NEGR1: variants seen among roughly 807,000 people sequenced by gnomAD.
NEGR1 encodes IgLON family member 4.
In NEGR1, 10 loss-of-function variants were observed where a neutral mutation model predicts 40.9. The observed-to-expected ratio is 0.24, with a 90% CI of 0.15 to 0.42. The LOEUF is 0.42. NEGR1 is among the 10% of genes least tolerant of loss of function. The pLI, the probability that NEGR1 is intolerant of heterozygous loss-of-function variation, is 1.00. For synonymous variants in NEGR1, 185 were observed against 166.8 expected, an observed-to-expected ratio of 1.11 and a Z score of -0.84; for missense variants, 352 against 438.9, an observed-to-expected ratio of 0.80 and a Z score of 1.77.
chr1:72,113,456 G>GA (rs571021968), intron 1 of NEGR1, among the ~76,000 whole-genome samples: 3,071 of 150,508 alleles, frequency 0.02, 120 homozygotes, highest in African/African-American at 0.072. Flanking sequence ...TATGTGTTTA[G>GA]AAAAAAAATA....
intron 1 of NEGR1, among the ~76,000 whole-genome samples, chr1:72,036,040 G>T (rs1320075330): frequency 6.6e-6 from 1 of 152,042 alleles, no homozygotes; most frequent in African/African-American, 2.4e-5. Flanking sequence ...ATGTGTACAG[G>T]CACGTGATTC....
At chr1:72,026,633 T>C (rs1007668315) in intron 1 of NEGR1, among the ~76,000 whole-genome samples, 3 of 152,042 alleles carry the variant, frequency 2.0e-5, no homozygotes, top group African/African-American at 7.2e-5. Context: ...TGACCCTCTC[T>C]CTCTCCTGAA....
intron 1 of NEGR1, among the ~76,000 whole-genome samples, chr1:71,951,951 C>G (rs971628735): frequency 6.6e-5 from 10 of 151,926 alleles, no homozygotes; most frequent in African/African-American, 2.4e-4. Flanking sequence ...TATGCCCATA[C>G]AAGACGGCTA....
intron 4 of NEGR1, among the ~76,000 whole-genome samples, chr1:71,672,246 T>A (rs1455678591): frequency 6.6e-6 from 1 of 152,252 alleles, no homozygotes; most frequent in East Asian, 1.9e-4. Flanking sequence ...TGTTATCGCT[T>A]TGTAAAAAAA....
chr1:72,089,652 G>T (rs1648384688), intron 1 of NEGR1, among the ~76,000 whole-genome samples: 2 of 152,064 alleles, frequency 1.3e-5, no homozygotes, highest in South Asian at 4.2e-4. Flanking sequence ...CCTCATCAAT[G>T]ATAACATCAA....
intron 2 of NEGR1, among the ~76,000 whole-genome samples, chr1:71,802,628 C>T (rs1657602426): frequency 6.6e-6 from 1 of 152,160 alleles, no homozygotes; most frequent in Non-Finnish European, 1.5e-5. Flanking sequence ...GATGCTGCTG[C>T]CTTATTGGGC....
intron 4 of NEGR1, among the ~76,000 whole-genome samples, chr1:71,645,164 T>C (rs530184875): frequency 6.6e-6 from 1 of 151,984 alleles, no homozygotes; most frequent in Admixed American, 6.6e-5. Context: ...TTTTCAGTTC[T>C]AGGAGATATC....
intron 1 of NEGR1, among the ~76,000 whole-genome samples, chr1:72,268,818 T>C (rs1655742104): frequency 6.6e-6 from 1 of 151,612 alleles, no homozygotes; most frequent in African/African-American, 2.4e-5. Flanking sequence ...CAGACTAATA[T>C]AAAATTGATA....
At chr1:71,818,134 T>C (rs960060486) in intron 2 of NEGR1, among the ~76,000 whole-genome samples, 3 of 151,964 alleles carry the variant, frequency 2.0e-5, no homozygotes, top group African/African-American at 7.2e-5. Flanking sequence ...GGTGTAGCGA[T>C]TCCTCAAAGA....
chr1:71,894,624 C>T (rs1660913787), intron 2 of NEGR1, among the ~76,000 whole-genome samples: 1 of 152,188 alleles, frequency 6.6e-6, no homozygotes, highest in African/African-American at 2.4e-5. Context: ...CTACCAATTA[C>T]CAAAGTTAGC....
At chr1:71,986,991 G>A (rs1344925889) in intron 1 of NEGR1, among the ~76,000 whole-genome samples, 1 of 152,194 alleles carries the variant, frequency 6.6e-6, no homozygotes, top group Non-Finnish European at 1.5e-5. Flanking sequence ...TTTTGAGGCA[G>A]AAACAGTTAA....
chr1:71,884,211 C>T (rs918639391), intron 2 of NEGR1, among the ~76,000 whole-genome samples: 2 of 152,070 alleles, frequency 1.3e-5, no homozygotes, highest in African/African-American at 4.8e-5. Flanking sequence ...GGGTTGTAAG[C>T]AGTTAATTGT....
chr1:71,773,273 A>G (rs1656392283), intron 3 of NEGR1, among the ~76,000 whole-genome samples: 1 of 152,242 alleles, frequency 6.6e-6, no homozygotes, highest in African/African-American at 2.4e-5. Context: ...CCCTAAATCA[A>G]TCAGACACAT....
intron 1 of NEGR1, among the ~76,000 whole-genome samples, chr1:72,220,955 T>C (rs1653993742): frequency 6.6e-6 from 1 of 151,506 alleles, no homozygotes; most frequent in African/African-American, 2.4e-5. Flanking sequence ...AATGCATTTG[T>C]TTGCTAGAGC....
chr1:71,552,226 A>G (rs1648107632), intron 6 of NEGR1, among the ~76,000 whole-genome samples: 2 of 151,432 alleles, frequency 1.3e-5, no homozygotes, highest in Non-Finnish European at 1.5e-5. Flanking sequence ...ATATTATTAG[A>G]TCTGTTTAAC....
chr1:72,224,701 C>T (rs1051865896), intron 1 of NEGR1, among the ~76,000 whole-genome samples: 10 of 151,428 alleles, frequency 6.6e-5, no homozygotes, highest in South Asian at 2.1e-4. Flanking sequence ...TTTTAAATGA[C>T]GTCATGTTAT....
chr1:71,590,749 A>G (rs1005015852), intron 6 of NEGR1, among the ~76,000 whole-genome samples: 2 of 152,164 alleles, frequency 1.3e-5, no homozygotes, highest in African/African-American at 2.4e-5. Flanking sequence ...TAAGCTAACA[A>G]TGTGCTATTT....
intron 4 of NEGR1, among the ~76,000 whole-genome samples, chr1:71,641,924 G>C (rs1308280607): frequency 6.6e-6 from 1 of 151,978 alleles, no homozygotes; most frequent in Non-Finnish European, 1.5e-5. Flanking sequence ...TTCTCTGAAA[G>C]GTTCACTAAT....
At chr1:71,661,570 G>A (rs1400968967) in intron 4 of NEGR1, among the ~76,000 whole-genome samples, 1 of 152,050 alleles carries the variant, frequency 6.6e-6, no homozygotes, top group African/African-American at 2.4e-5. Flanking sequence ...CAAATATTAT[G>A]TATATTGTCT....
Sources: allele counts gnomAD v4.1 joint callset (sites outside exome capture counted in the v4.1 genomes callset), GRCh38; gene constraint gnomAD v4.1.1; transcripts MANE v1.5; gene names NCBI Gene and HGNC (gene_info 2026-07-23, HGNC 2026-07-21).